GALNTL6: variants seen among roughly 807,000 people sequenced by gnomAD.
GALNTL6 encodes polypeptide N-acetylgalactosaminyltransferase like 6.
Under a neutral mutation model 73.7 loss-of-function variants are expected in GALNTL6, and 46 were observed. The observed-to-expected ratio is 0.62, with a 90% CI of 0.49 to 0.80. GALNTL6 has a LOEUF of 0.80. GALNTL6 is among the 30% of genes least tolerant of loss of function. The pLI, the probability that GALNTL6 is intolerant of heterozygous loss-of-function variation, is 0.00. For synonymous variants in GALNTL6, 259 were observed against 263.7 expected (o/e 0.98, Z 0.17); for missense variants, 604 against 755.0 (o/e 0.80, Z 2.34).
intron 2 of GALNTL6, among the ~76,000 whole-genome samples, chr4:172,076,236 T>C (rs953110947): frequency 2.0e-5 from 3 of 152,244 alleles, no homozygotes; most frequent in African/African-American, 4.8e-5. Context: ...AGATAGCTAA[T>C]GCCACTTTAT....
chr4:172,946,415 G>A (rs756337044), intron 9 of GALNTL6, among the ~76,000 whole-genome samples: 2 of 152,138 alleles, frequency 1.3e-5, no homozygotes, highest in Non-Finnish European at 2.9e-5. Context: ...ATAATAATTA[G>A]TGGATAGATT....
At chr4:171,846,961 T>G (rs964365261) in intron 2 of GALNTL6, among the ~76,000 whole-genome samples, 3 of 146,260 alleles carry the variant, frequency 2.1e-5, no homozygotes, top group Non-Finnish European at 4.5e-5. Context: ...TAATTATATA[T>G]GAATATAGTT....
intron 3 of GALNTL6, among the ~76,000 whole-genome samples, chr4:172,285,148 C>T (rs1739201581): frequency 6.6e-6 from 1 of 152,104 alleles, no homozygotes; most frequent in African/African-American, 2.4e-5. Flanking sequence ...AGATCTTTCA[C>T]TTCCTTGATT....
At chr4:172,678,110 C>T (rs1732412931) in intron 5 of GALNTL6, among the ~76,000 whole-genome samples, 1 of 152,146 alleles carries the variant, frequency 6.6e-6, no homozygotes, top group Non-Finnish European at 1.5e-5. Context: ...TCTCATAATG[C>T]CAGGTCCTCA....
chr4:172,152,008 T>C (rs968776125), intron 2 of GALNTL6, among the ~76,000 whole-genome samples: 6 of 151,786 alleles, frequency 4.0e-5, no homozygotes, highest in Admixed American at 3.9e-4. Context: ...ACTGCGTCTC[T>C]CTCTGTCATC....
At chr4:172,028,184 G>A (rs1467217253) in intron 2 of GALNTL6, among the ~76,000 whole-genome samples, 2 of 151,836 alleles carry the variant, frequency 1.3e-5, no homozygotes, top group Admixed American at 1.3e-4. Context: ...ATTATATAGT[G>A]ATGATATAGA....
chr4:172,210,758 A>T (rs546818612), intron 2 of GALNTL6, among the ~76,000 whole-genome samples: 5 of 152,142 alleles, frequency 3.3e-5, no homozygotes, highest in African/African-American at 1.2e-4. Context: ...CTTAAGGAAT[A>T]AAGAGTTACG....
intron 10 of GALNTL6, among the ~76,000 whole-genome samples, chr4:172,993,812 C>A (rs936612601): frequency 6.6e-6 from 1 of 152,182 alleles, no homozygotes; most frequent in Non-Finnish European, 1.5e-5. Context: ...CTCCCAGCTA[C>A]TCGGGAGGCT....
At chr4:171,975,264 G>A (rs901628015) in intron 2 of GALNTL6, among the ~76,000 whole-genome samples, 1 of 152,080 alleles carries the variant, frequency 6.6e-6, no homozygotes, top group African/African-American at 2.4e-5. Flanking sequence ...TTTGAAATTA[G>A]CACCCAGGAT....
chr4:172,156,547 A>ATATATATAGTATATATATATATATATAG (rs1734283984), intron 2 of GALNTL6, among the ~76,000 whole-genome samples: 1 of 113,776 alleles, frequency 8.8e-6, no homozygotes, highest in African/African-American at 3.9e-5. Flanking sequence ...TATAATATAT[A>ATATATATAGTATATATATATATATATAG]TATATATATA....
intron 8 of GALNTL6, among the ~76,000 whole-genome samples, chr4:172,929,513 C>T (rs1748220918): frequency 6.6e-6 from 1 of 152,098 alleles, no homozygotes; most frequent in Admixed American, 6.5e-5. Context: ...CCACAATCTT[C>T]AGAGTAGGTG....
intron 5 of GALNTL6, among the ~76,000 whole-genome samples, chr4:172,482,341 G>C (rs1311179553): frequency 1.3e-5 from 2 of 152,222 alleles, no homozygotes; most frequent in Non-Finnish European, 2.9e-5. Context: ...ACGGGCTGAA[G>C]GGCTCCTCAA....
intron 2 of GALNTL6, among the ~76,000 whole-genome samples, chr4:172,199,654 A>G (rs1270442746): frequency 6.6e-6 from 1 of 152,194 alleles, no homozygotes; most frequent in African/African-American, 2.4e-5. Flanking sequence ...CTGAAGACAT[A>G]GAATTGTGGG....
rs1332657323 is a variant in GALNTL6 at position 171,814,674 on chromosome 4, A to G, written c.94A>G (p.Lys32Glu). 1.2e-6 allele frequency: 2 copies of G among 1,614,058 alleles called. No individual in the cohort carries two copies. Among genetic ancestry groups the G allele is most frequent in the Non-Finnish European group, 1.7e-6 (2 of 1,180,060 alleles). Residue 32 changes from lysine to glutamate, a missense_variant, in exon 2 of 13, where the codon AAG becomes GAG. Physicochemically the swap from Lys to Glu is moderately conservative, Grantham distance 56. This residue lies in a region of GALNTL6 where 141 missense variants were observed against 156.6 expected (regional missense o/e 0.90). Transcript: ENST00000506823. ...TAACGTTGGTCTCTGGTCTCTGTACAAGGATAAGCACCTGGTGAAGTCAGC... is the reference window on the plus strand; with the variant it reads ...TAACGTTGGTCTCTGGTCTCTGTACGAGGATAAGCACCTGGTGAAGTCAGC... ...LPNVGLWSLY[K>E]DKHLVKSAEP...
intron 11 of GALNTL6, among the ~76,000 whole-genome samples, chr4:173,009,876 T>G (rs11722155): frequency 0.13 from 19,417 of 152,170 alleles, 2,331 homozygotes; most frequent in African/African-American, 0.32. Flanking sequence ...TTTCTATTTT[T>G]GGGGGCACAT....
intron 5 of GALNTL6, among the ~76,000 whole-genome samples, chr4:172,653,886 C>A (rs542168543): frequency 6.6e-6 from 1 of 152,312 alleles, no homozygotes; most frequent in East Asian, 1.9e-4. Flanking sequence ...AAACTTGGCA[C>A]CTTGTTTTCC....
intron 5 of GALNTL6, among the ~76,000 whole-genome samples, chr4:172,761,070 T>C (rs1037292041): frequency 2.0e-5 from 3 of 152,032 alleles, no homozygotes; most frequent in Admixed American, 6.6e-5. Flanking sequence ...AGGGAGAGAA[T>C]AAATGGGGCC....
At chr4:172,841,461 G>T (rs760547710) in intron 7 of GALNTL6, among the ~76,000 whole-genome samples, 1 of 152,022 alleles carries the variant, frequency 6.6e-6, no homozygotes, top group Non-Finnish European at 1.5e-5. Context: ...GTGTAATCTC[G>T]TAACTACTGT....
At chr4:172,819,834 A>G (rs1741821462) in intron 7 of GALNTL6, among the ~76,000 whole-genome samples, 1 of 152,210 alleles carries the variant, frequency 6.6e-6, no homozygotes, top group South Asian at 2.1e-4. Flanking sequence ...TTCACCTCCC[A>G]TTCTACTTAG....
Sources: allele counts gnomAD v4.1 joint callset (sites outside exome capture counted in the v4.1 genomes callset), GRCh38; gene constraint gnomAD v4.1.1; regional missense constraint gnomAD v4.1.1; transcripts MANE v1.5; gene names NCBI Gene and HGNC (gene_info 2026-07-23, HGNC 2026-07-21).